NFATC2: variants seen among roughly 807,000 people sequenced by gnomAD.
The protein encoded by NFATC2 is nuclear factor of activated T cells 2.
Under a neutral mutation model 87.3 loss-of-function variants are expected in NFATC2, and 22 were observed. The ratio of observed to expected loss-of-function variants is 0.25; its 90% CI spans 0.18 to 0.36. NFATC2 has a LOEUF of 0.36. NFATC2 is among the 10% of genes least tolerant of loss of function. The pLI, the probability that NFATC2 is intolerant of heterozygous loss-of-function variation, is 1.00. For missense variants in NFATC2, 1,149 were observed against 1,259.1 expected, an observed-to-expected ratio of 0.91 and a Z score of 1.32; for synonymous variants, 565 against 542.2, an observed-to-expected ratio of 1.04 and a Z score of -0.58.
chr20:51,461,208 C>A (rs991288640), intron 5 of NFATC2, among the ~76,000 whole-genome samples: 3 of 152,152 alleles, frequency 2.0e-5, no homozygotes, highest in Admixed American at 6.5e-5. Context: ...GTGACAGGTC[C>A]AGGGTGGGTG....
chr20:51,554,042 T>G (rs1414566799), intron 1 of NFATC2, among the ~76,000 whole-genome samples: 1 of 152,086 alleles, frequency 6.6e-6, no homozygotes, highest in Non-Finnish European at 1.5e-5. Flanking sequence ...TTTCCTAATC[T>G]TTGAAGTCAG....
chr20:51,393,064 G>T (rs1986554628), intron 10 of NFATC2, among the ~76,000 whole-genome samples: 1 of 152,060 alleles, frequency 6.6e-6, no homozygotes, highest in South Asian at 2.1e-4. Flanking sequence ...GTGTTCAATA[G>T]CTGGTGGTTA....
At chr20:51,558,120 T>C (rs2076993534) in intron 1 of NFATC2, among the ~76,000 whole-genome samples, 1 of 152,146 alleles carries the variant, frequency 6.6e-6, no homozygotes, top group Non-Finnish European at 1.5e-5. Flanking sequence ...ATGGGAGTAT[T>C]ACTTGAGCCC....
At chr20:51,410,812 T>TC (rs981364190) in intron 9 of NFATC2, among the ~76,000 whole-genome samples, 11 of 152,148 alleles carry the variant, frequency 7.2e-5, no homozygotes, top group Admixed American at 1.3e-4. Context: ...CTAAAGTCTC[T>TC]CCCCCAGCAC....
intron 5 of NFATC2, among the ~76,000 whole-genome samples, chr20:51,465,976 G>A (rs751347993): frequency 5.3e-5 from 8 of 152,096 alleles, no homozygotes; most frequent in Admixed American, 1.3e-4. Context: ...TTCAGCTTCC[G>A]GCAGGAGCAG....
chr20:51,422,124 T>A (rs936177574), intron 9 of NFATC2, among the ~76,000 whole-genome samples: 1 of 152,220 alleles, frequency 6.6e-6, no homozygotes, highest in Non-Finnish European at 1.5e-5. Context: ...AGGCTTCAGA[T>A]GAAACCTATT....
chr20:51,540,647 G>GTTTTTTGTTTTTTT (rs1555818252), intron 1 of NFATC2, among the ~76,000 whole-genome samples: 1 of 112,974 alleles, frequency 8.9e-6, no homozygotes, highest in African/African-American at 4.4e-5. Context: ...AAAAACTGAA[G>GTTTTTTGTTTTTTT]TTTTTTTTTT....
rs1412173991 is a variant in NFATC2, at chr20:51,387,318, C to A, written c.*4178G>T. 4.6e-5 allele frequency: 7 copies of A among 152,228 alleles called. No individual in the cohort carries two copies. The highest frequency in any genetic ancestry group is 4.6e-4 in the Admixed American group (7 of 15,280). 9.4% of individuals were successfully genotyped at this position (152,228 alleles called of 1,614,324 possible). ...CTGTGAGCACCTGCTCTAATGGAAA[C>A]AACATCATTTGCATCCATTCCATTC... is the stretch of plus-strand genomic sequence containing the variant. On this transcript the variant is annotated 3_prime_UTR_variant, in exon 11 of 11. Coordinates refer to ENST00000371564, the MANE Select transcript of NFATC2 (RefSeq NM_012340.5).
rs1030422603 is a variant in NFATC2 at position 51,558,408 on chromosome 20, C to T, written c.70+4152G>A. 2.6e-5 allele frequency among the ~76,000 whole-genome samples: 4 copies of T among 151,292 alleles called. No homozygotes were observed. In the South Asian group the frequency reaches 8.4e-4, roughly 32 times the overall value. On this transcript the variant is annotated intron_variant, in intron 1 of 10. Coordinates refer to the NFATC2 transcript ENST00000414705. ...GGAAGTATAAATAATCAGTCATTTA[C>T]ATATTAAGTGTGAGTTATCCAATGA... is the stretch of plus-strand genomic sequence containing the variant.
chr20:51,420,693 A>G (rs1006008559), intron 9 of NFATC2, among the ~76,000 whole-genome samples: 2 of 152,188 alleles, frequency 1.3e-5, no homozygotes, highest in African/African-American at 4.8e-5. Context: ...TCCCGACGCA[A>G]ATGAACTATA....
chr20:51,393,450 AACT>A (rs547846401), intron 10 of NFATC2, among the ~76,000 whole-genome samples: 1,435 of 24,670 alleles, frequency 0.058, 23 homozygotes, highest in African/African-American at 0.41. Context: ...CATTATGTAT[AACT>A]TAACTTTTCC....
At chr20:51,544,434 G>A (rs1428319978), upstream of NFATC2, among the ~76,000 whole-genome samples, 1 of 152,166 alleles carries the variant, frequency 6.6e-6, no homozygotes, top group African/African-American at 2.4e-5. Flanking sequence ...AGGAGGAATT[G>A]AGGACACGCA....
chr20:51,448,835 T>C (rs1207836782), intron 6 of NFATC2, among the ~76,000 whole-genome samples: 2 of 152,132 alleles, frequency 1.3e-5, no homozygotes, highest in African/African-American at 4.8e-5. Flanking sequence ...CACAGGCTCT[T>C]GAAAGTCACA....
At chr20:51,466,882 G>C (rs1987736977) in intron 5 of NFATC2, among the ~76,000 whole-genome samples, 1 of 152,064 alleles carries the variant, frequency 6.6e-6, no homozygotes, top group Non-Finnish European at 1.5e-5. Flanking sequence ...GACCAGCCTG[G>C]TCAACATGGT....
At chr20:51,533,708 A>C (rs747193308) in intron 1 of NFATC2, among the ~76,000 whole-genome samples, 3 of 152,258 alleles carry the variant, frequency 2.0e-5, no homozygotes, top group South Asian at 4.1e-4. Context: ...GGCTGCCGCA[A>C]GGCCAGGCGC....
intron 9 of NFATC2, 61 bp from the exon 10 acceptor site, chr20:51,398,791 T>C (rs1422566154): frequency 6.8e-6 from 8 of 1,169,154 alleles, no homozygotes; most frequent in Admixed American, 1.7e-5. Context: ...TTGATCTCTC[T>C]TACGCTTCCA....
chr20:51,519,830 C>A (rs556064784), intron 2 of NFATC2, among the ~76,000 whole-genome samples: 1 of 150,294 alleles, frequency 6.7e-6, no homozygotes, highest in Admixed American at 6.6e-5. Flanking sequence ...GCAGGAGAAT[C>A]ACTTGAACCC....
intron 9 of NFATC2, among the ~76,000 whole-genome samples, chr20:51,427,244 G>T (rs1224008020): frequency 6.6e-6 from 1 of 152,172 alleles, no homozygotes; most frequent in Non-Finnish European, 1.5e-5. Flanking sequence ...CAGTTCAGCT[G>T]TGGAGTCAGC....
intron 3 of NFATC2, among the ~76,000 whole-genome samples, chr20:51,501,260 G>A (rs1311762307): frequency 6.6e-6 from 1 of 152,188 alleles, no homozygotes; most frequent in African/African-American, 2.4e-5. Flanking sequence ...CACAGCTGTT[G>A]TGCCATGCAC....
Sources: allele counts gnomAD v4.1 joint callset (sites outside exome capture counted in the v4.1 genomes callset), GRCh38; gene constraint gnomAD v4.1.1; transcripts MANE v1.5; gene names NCBI Gene and HGNC (gene_info 2026-07-23, HGNC 2026-07-21).